Variants in DNM3 observed in about 807,000 individuals in gnomAD.
DNM3 encodes dynamin 3.
Under a neutral mutation model 101.6 loss-of-function variants are expected in DNM3, and 47 were observed. The observed-to-expected ratio is 0.46, with a 90% CI of 0.37 to 0.59. The LOEUF (loss-of-function observed/expected upper bound fraction) is 0.59, where lower values mean the gene tolerates loss of function less well. Among genes scored for constraint, DNM3 ranks in the 20% least tolerant of loss-of-function variants. The pLI is 0.00. For missense variants in DNM3, 849 were observed against 1,085.7 expected (o/e 0.78, Z 3.06); for synonymous variants, 385 against 387.9 (o/e 0.99, Z 0.09).
chr1:172,206,821 C>T (rs957220295), intron 14 of DNM3, among the ~76,000 whole-genome samples: 17 of 152,030 alleles, frequency 1.1e-4, no homozygotes, highest in Admixed American at 2.6e-4. Flanking sequence ...AAACCTATTT[C>T]GTACTTGGAA....
intron 2 of DNM3, among the ~76,000 whole-genome samples, chr1:171,976,448 G>T (rs2044376544): frequency 6.6e-6 from 1 of 152,184 alleles, no homozygotes; most frequent in Non-Finnish European, 1.5e-5. Flanking sequence ...ATGTGCAGGG[G>T]AACTCCCTTT....
intron 2 of DNM3, among the ~76,000 whole-genome samples, chr1:171,946,340 C>T (rs1052833303): frequency 4.6e-5 from 7 of 152,118 alleles, no homozygotes; most frequent in East Asian, 1.9e-4. Context: ...TGGGACTTAC[C>T]TACTATCTTA....
intron 6 of DNM3, among the ~76,000 whole-genome samples, chr1:172,037,761 G>C (rs2049074495): frequency 6.6e-6 from 1 of 152,162 alleles, no homozygotes; most frequent in African/African-American, 2.4e-5. Context: ...ACTCAGTCAT[G>C]GAGTTGCACT....
chr1:172,376,337 C>A (rs1230205179), intron 17 of DNM3: 1 of 152,022 alleles, frequency 6.6e-6, no homozygotes, highest in Non-Finnish European at 1.5e-5. Context: ...AGATCAGAGA[C>A]AAATTACTAT....
rs565504992 is a variant in DNM3, at chr1:172,080,148, A to T, written c.1423-1684A>T. Among the ~76,000 whole-genome samples the T allele has an allele frequency of 2.3e-4, 35 of 152,196 alleles. No individual in the cohort carries two copies. The East Asian group carries it at 6.0e-3, about 26-fold the overall frequency. On this transcript the variant is annotated intron_variant, in intron 11 of 20. Transcript: ENST00000627582. ...GTCTGTCCTTTAGCAGAGCTCGAGCACTGTGCTGGGAGATCCGTCATTCTC... is the reference window on the plus strand; with the variant it reads ...GTCTGTCCTTTAGCAGAGCTCGAGCTCTGTGCTGGGAGATCCGTCATTCTC...
chr1:171,841,912 A>C (rs1350734915), intron 1 of DNM3, 95 bp downstream of exon 1: 5 of 1,219,450 alleles, frequency 4.1e-6, no homozygotes, highest in Non-Finnish European at 5.3e-6. Flanking sequence ...CAGAGGGTGG[A>C]TGGACCAGGC....
intron 20 of DNM3, chr1:172,399,746 C>G (rs1461695874): frequency 6.6e-6 from 1 of 151,992 alleles, no homozygotes; most frequent in Non-Finnish European, 1.5e-5. Context: ...AATGGTAATT[C>G]TTTTTCTTCA....
At chr1:172,029,123 C>G (rs561423390) in intron 4 of DNM3, among the ~76,000 whole-genome samples, 8 of 152,292 alleles carry the variant, frequency 5.3e-5, no homozygotes, top group African/African-American at 1.9e-4. Context: ...AAATTTCAGG[C>G]CAATATCCCT....
chr1:171,972,222 C>T (rs571246237), intron 2 of DNM3, among the ~76,000 whole-genome samples: 7 of 152,290 alleles, frequency 4.6e-5, no homozygotes, highest in African/African-American at 1.2e-4. Context: ...CTGTGGAAGG[C>T]GTAATACATG....
rs188146069 is a variant in DNM3 at position 172,407,900 on chromosome 1, A to G, written c.*59A>G. On this transcript the variant is annotated 3_prime_UTR_variant, in exon 21 of 21. Transcript: ENST00000627582. Reference sequence around the variant, plus strand: ...GAATTATGCGAAAGCAACATATTTGATAACCGTTGCAGTAAATCATGAGTA... The same window carrying G: ...GAATTATGCGAAAGCAACATATTTGGTAACCGTTGCAGTAAATCATGAGTA... 22 of 1,611,246 alleles carry G rather than the reference A, an allele frequency of 1.4e-5. No individual in the cohort carries two copies. In the Admixed American group the frequency reaches 3.2e-4, roughly 23 times the overall value.
intron 2 of DNM3, among the ~76,000 whole-genome samples, chr1:171,975,829 T>C (rs1245742088): frequency 2.0e-5 from 3 of 152,226 alleles, no homozygotes; most frequent in Non-Finnish European, 4.4e-5. Context: ...TCGAGACTTA[T>C]TATACAGGTT....
intron 10 of DNM3, among the ~76,000 whole-genome samples, chr1:172,064,800 G>A (rs1014347568): frequency 3.9e-5 from 6 of 152,072 alleles, no homozygotes; most frequent in Non-Finnish European, 8.8e-5. Context: ...GCCATTCAGT[G>A]GTGGGCCTAG....
At chr1:172,260,805 T>C (rs1039960482) in intron 15 of DNM3, among the ~76,000 whole-genome samples, 2 of 152,174 alleles carry the variant, frequency 1.3e-5, no homozygotes, top group East Asian at 3.8e-4. Flanking sequence ...TTTACAGATA[T>C]GTACAGTTGT....
intron 12 of DNM3, 23 bp from the exon 13 acceptor site, chr1:172,092,801 C>G (rs368400167): frequency 1.3e-6 from 2 of 1,547,966 alleles, no homozygotes; most frequent in East Asian, 4.9e-5. Context: ...CTCTTCAGTG[C>G]TGCTTTCCTT....
intron 1 of DNM3, among the ~76,000 whole-genome samples, chr1:171,873,331 T>C (rs2035468128): frequency 6.6e-6 from 1 of 152,150 alleles, no homozygotes; most frequent in African/African-American, 2.4e-5. Context: ...ATTTAAAAGG[T>C]TATTTAAAAC....
chr1:171,985,969 G>A (rs1191605995), intron 2 of DNM3, among the ~76,000 whole-genome samples: 1 of 152,108 alleles, frequency 6.6e-6, no homozygotes, highest in East Asian at 1.9e-4. Flanking sequence ...GACAAAAGTT[G>A]GACTAGTGGA....
chr1:171,970,678 T>C (rs1364438568), intron 2 of DNM3, among the ~76,000 whole-genome samples: 2 of 89,664 alleles, frequency 2.2e-5, no homozygotes, highest in Non-Finnish European at 6.2e-5. Flanking sequence ...TTAAATCAAA[T>C]ATAGGGTATA....
At chr1:172,335,680 TAACACAGA>T (rs2066389267) in intron 17 of DNM3, among the ~76,000 whole-genome samples, 1 of 152,080 alleles carries the variant, frequency 6.6e-6, no homozygotes, top group African/African-American at 2.4e-5. Context: ...CTAATCAAAT[TAACACAGA>T]AACAGAAAAC....
At chr1:172,071,117 A>ATATATATATATATATATATC in intron 11 of DNM3, among the ~76,000 whole-genome samples, 1 of 131,698 alleles carries the variant, frequency 7.6e-6, no homozygotes, top group African/African-American at 2.9e-5. Flanking sequence ...ATATATATAT[A>ATATATATATATATATATATC]TATCTTAGTT....
Sources: gnomAD v4.1 joint callset for allele counts (sites outside exome capture counted in the v4.1 genomes callset) on GRCh38, gnomAD v4.1.1 for gene constraint, MANE v1.5 for transcripts, NCBI Gene and HGNC (gene_info 2026-07-23, HGNC 2026-07-21) for gene names.